The following TEX26 variants were observed in gnomAD, a reference collection of about 807,000 sequenced individuals.
The protein encoded by TEX26 is testis expressed 26.
A neutral mutation model predicts 35.3 loss-of-function variants in TEX26; 34 were observed. The observed-to-expected ratio is 0.96, with a 90% CI of 0.73 to 1.28. The LOEUF (loss-of-function observed/expected upper bound fraction) is 1.28, where lower values mean the gene tolerates loss of function less well. Ranked by LOEUF, TEX26 falls within the 50% of genes most tolerant of loss-of-function variation. TEX26 has a pLI of 0.00. For missense variants in TEX26, 371 were observed against 330.1 expected, an observed-to-expected ratio of 1.12 and a Z score of -0.96; for synonymous variants, 136 against 111.8, an observed-to-expected ratio of 1.22 and a Z score of -1.36.
At chr13:30,967,665 G>A (rs1954585328) in intron 5 of TEX26, among the ~76,000 whole-genome samples, 2 of 152,166 alleles carry the variant, frequency 1.3e-5, no homozygotes, top group African/African-American at 4.8e-5. Flanking sequence ...CCCTTAAAGG[G>A]GATCCCTGGA....
Position 30,968,375 on chromosome 13 carries a change from T to C in TEX26, c.647-510T>C, listed in dbSNP as rs144624736. 4.8e-3 allele frequency among the ~76,000 whole-genome samples: 735 copies of C among 152,250 alleles called. 10 individuals carry two copies. The highest frequency in any genetic ancestry group is 0.017 in the African/African-American group (686 of 41,532). ...AAGTCCGATCGTAGTTAATCTTTCT[T>C]AGATCCAGACAAGGGAAGGCCTTGG... is the stretch of plus-strand genomic sequence containing the variant. On this transcript the variant is annotated intron_variant, in intron 5 of 6. Coordinates refer to ENST00000380473, the MANE Select transcript of TEX26 (RefSeq NM_152325.3).
At chr13:30,969,070 C>T in intron 6 of TEX26, 24 bp downstream of exon 6, 2 of 1,600,132 alleles carry the variant, frequency 1.2e-6, no homozygotes, top group Non-Finnish European at 1.7e-6. Flanking sequence ...TTATTTCACA[C>T]ACTTACAGAT....
rs189242349 is a variant in TEX26, at chr13:30,946,513, C to T, written c.147-6147C>T. 1.2e-3 allele frequency among the ~76,000 whole-genome samples: 187 copies of T among 152,008 alleles called. 2 individuals carry two copies. Among genetic ancestry groups the T allele is most frequent in the African/African-American group, 4.3e-3 (180 of 41,542 alleles). ...GTGATCTTTTGGGGATGTTATAGAA[C>T]CTTGTTTTGTCATATTGCCAGAATT... is the stretch of plus-strand genomic sequence containing the variant. On this transcript the variant is annotated intron_variant, in intron 2 of 6. Coordinates refer to ENST00000380473, the MANE Select transcript of TEX26 (RefSeq NM_152325.3).
intron 1 of TEX26, chr13:30,936,782 C>T (rs1330936634): frequency 1.0e-6 from 1 of 985,188 alleles, no homozygotes; most frequent in Non-Finnish European, 1.2e-6. Context: ...AAGACGTAAT[C>T]ACAGGAAAGA....
At chr13:30,966,188 G>A in intron 4 of TEX26, 34 bp from the exon 5 acceptor site, 2 of 1,612,660 alleles carry the variant, frequency 1.2e-6, no homozygotes, top group Non-Finnish European at 1.7e-6. Flanking sequence ...TTCACAAGGA[G>A]TAAGTATTGC....
chr13:30,943,470 G>A (rs1953589165), intron 2 of TEX26, among the ~76,000 whole-genome samples: 1 of 152,060 alleles, frequency 6.6e-6, no homozygotes, highest in Non-Finnish European at 1.5e-5. Context: ...TCTCTTGCTT[G>A]ATTGGTCTGG....
intron 2 of TEX26, among the ~76,000 whole-genome samples, chr13:30,951,517 T>C (rs1405237450): frequency 6.6e-6 from 1 of 152,108 alleles, no homozygotes. Context: ...CAGCCCTTTT[T>C]TAAAAAAAAG....
Position 30,975,039 on chromosome 13 carries a change from T to G in TEX26, c.*132T>G. The stretch of plus-strand genomic sequence containing the variant: ...CAAGTATGATGTGATAGTCATGAAT[T>G]TGTGTCTTTTGCTCCGCTTTATTTT... On this transcript the variant is annotated 3_prime_UTR_variant, in exon 7 of 7. Coordinates refer to ENST00000380473, the MANE Select transcript of TEX26 (RefSeq NM_152325.3). The G allele has an allele frequency of 1.7e-6, 1 of 592,524 alleles. No individual in the cohort carries two copies. 36.7% of individuals were successfully genotyped at this position (592,524 alleles called of 1,614,324 possible).
intron 3 of TEX26, 109 bp from the exon 4 acceptor site, chr13:30,956,764 A>G: frequency 1.0e-6 from 1 of 999,766 alleles, no homozygotes; most frequent in Non-Finnish European, 1.5e-6. Flanking sequence ...CTGCAGTGGC[A>G]GCTGGTTGTA....
At chr13:30,957,868 C>T (rs1954195649) in intron 4 of TEX26, among the ~76,000 whole-genome samples, 1 of 152,186 alleles carries the variant, frequency 6.6e-6, no homozygotes, top group South Asian at 2.1e-4. Flanking sequence ...GAGTGACTGA[C>T]AGATGTCAGA....
chr13:30,957,357 A>G (rs1169895469), intron 4 of TEX26, among the ~76,000 whole-genome samples: 1 of 152,154 alleles, frequency 6.6e-6, no homozygotes, highest in Admixed American at 6.5e-5. Flanking sequence ...CTGCAGGAAC[A>G]TTTCAGGAAC....
rs552720220 is a variant in TEX26, at chr13:30,957,093, G to A, written c.469+64G>A. On this transcript the variant is annotated intron_variant, in intron 4 of 6. Coordinates refer to ENST00000380473, the MANE Select transcript of TEX26 (RefSeq NM_152325.3). ...GGTAGGCCCTGGAGTTGCAGTGGTC[G>A]GCAGCATGCGTGTGTTCTTCTCCTT... 143 of 1,515,642 alleles carry A rather than the reference G, an allele frequency of 9.4e-5. 1 individual carries two copies. Among genetic ancestry groups the A allele is most frequent in the South Asian group, 8.6e-4 (72 of 83,990 alleles). The allele number at this position is 1,515,642 out of a possible 1,614,324, so 93.9% of individuals were successfully genotyped here. A position where few individuals can be genotyped will look rare whatever the true frequency, so the allele number is the denominator to read the frequency against.
At chr13:30,961,145 G>A (rs558551392) in intron 4 of TEX26, among the ~76,000 whole-genome samples, 38 of 152,334 alleles carry the variant, frequency 2.5e-4, no homozygotes, top group African/African-American at 7.5e-4. Flanking sequence ...CCTGGCTGGT[G>A]TGCAGACTTT....
At chr13:30,956,776 A>G in intron 3 of TEX26, 97 bp from the exon 4 acceptor site, 2 of 1,150,658 alleles carry the variant, frequency 1.7e-6, no homozygotes, top group Non-Finnish European at 2.5e-6. Flanking sequence ...CTGGTTGTAA[A>G]GGATTCTGAA....
At chr13:30,939,993 G>A (rs1221831362) in intron 2 of TEX26, among the ~76,000 whole-genome samples, 1 of 152,010 alleles carries the variant, frequency 6.6e-6, no homozygotes, top group African/African-American at 2.4e-5. Flanking sequence ...CCGAGAAAAT[G>A]GCTACCAATT....
At chr13:30,964,440 C>A (rs1203863923) in intron 4 of TEX26, among the ~76,000 whole-genome samples, 1 of 152,194 alleles carries the variant, frequency 6.6e-6, no homozygotes, top group African/African-American at 2.4e-5. Context: ...TAAGGTAGAA[C>A]AATGACTTAA....
At chr13:30,948,514 G>GT (rs1399437552) in intron 2 of TEX26, among the ~76,000 whole-genome samples, 2 of 151,554 alleles carry the variant, frequency 1.3e-5, no homozygotes, top group Non-Finnish European at 2.9e-5. Context: ...TTTTTCATGT[G>GT]TTTTTTGGTC....
Position 30,975,133 on chromosome 13 carries a change from T to C in TEX26, c.*226T>C, listed in dbSNP as rs1283021619. 1 of 324,744 alleles carries C rather than the reference T, an allele frequency of 3.1e-6. No individual in the cohort carries two copies. The highest frequency in any genetic ancestry group is 5.0e-5 in the East Asian group (1 of 19,922). 20.1% of individuals were successfully genotyped at this position (324,744 alleles called of 1,614,324 possible). ...TTTAGCTGTATCCAATAGTTTTTGA[T>C]ACAATGTTTTTTTCTTTTCCCTTTT... On this transcript the variant is annotated 3_prime_UTR_variant, in exon 7 of 7. Coordinates refer to ENST00000380473, the MANE Select transcript of TEX26 (RefSeq NM_152325.3).
intron 6 of TEX26, among the ~76,000 whole-genome samples, chr13:30,974,300 G>T (rs1015747876): frequency 6.6e-6 from 1 of 151,704 alleles, no homozygotes; most frequent in Non-Finnish European, 1.5e-5. Flanking sequence ...AACCTTACCA[G>T]TATCGGTGAG....
Sources: gnomAD v4.1 joint callset for allele counts (sites outside exome capture counted in the v4.1 genomes callset) on GRCh38, gnomAD v4.1.1 for gene constraint, MANE v1.5 for transcripts, NCBI Gene and HGNC (gene_info 2026-07-23, HGNC 2026-07-21) for gene names.